The following KMT2C variants were observed in gnomAD, a reference collection of about 807,000 sequenced individuals.
The protein encoded by KMT2C is lysine methyltransferase 2C, also known as histone-lysine N-methyltransferase 2C.
A neutral mutation model predicts 507.9 loss-of-function variants in KMT2C; 88 were observed. The observed-to-expected ratio is 0.17, with a 90% CI of 0.15 to 0.21. The LOEUF (loss-of-function observed/expected upper bound fraction) is 0.21, where lower values mean the gene tolerates loss of function less well. KMT2C is among the 10% of genes least tolerant of loss of function. The pLI, the probability that KMT2C is intolerant of heterozygous loss-of-function variation, is 1.00. For synonymous variants in KMT2C, 2,049 were observed against 2,080.8 expected (o/e 0.98, Z 0.42); for missense variants, 4,954 against 5,957.8 (o/e 0.83, Z 5.55).
chr7:152,142,331 T>C (rs1051591469), intron 55 of KMT2C, among the ~76,000 whole-genome samples: 4 of 152,232 alleles, frequency 2.6e-5, no homozygotes, highest in Admixed American at 1.3e-4. Context: ...GGACAAAGGA[T>C]ATGAATACGC....
intron 23 of KMT2C, among the ~76,000 whole-genome samples, chr7:152,208,433 T>C (rs1191162552): frequency 6.6e-6 from 1 of 152,256 alleles, no homozygotes; most frequent in Non-Finnish European, 1.5e-5. Flanking sequence ...ATGTCATGCT[T>C]TATTTTTATT....
intron 41 of KMT2C, among the ~76,000 whole-genome samples, chr7:152,168,214 A>G (rs1286923112): frequency 6.6e-6 from 1 of 152,236 alleles, no homozygotes; most frequent in Non-Finnish European, 1.5e-5. Context: ...TACAAGACAA[A>G]GAAATGAATA....
At chr7:152,260,079 G>A (rs961573342) in intron 9 of KMT2C, among the ~76,000 whole-genome samples, 5 of 152,144 alleles carry the variant, frequency 3.3e-5, no homozygotes, top group African/African-American at 7.2e-5. Flanking sequence ...GGTAAGTACC[G>A]TTAACCTTCT....
chr7:152,175,683 G>A (rs900189979), intron 38 of KMT2C, among the ~76,000 whole-genome samples: 1 of 152,058 alleles, frequency 6.6e-6, no homozygotes, highest in Non-Finnish European at 1.5e-5. Flanking sequence ...TGTCTGCCTC[G>A]GTCTCCCAAA....
chr7:152,207,368 T>A lies in KMT2C; in HGVS notation c.3773A>T (p.Asp1258Val). 1 of 1,611,884 alleles carries A rather than the reference T, an allele frequency of 6.2e-7. No individual in the cohort carries two copies. The highest frequency in any genetic ancestry group is 8.5e-7 in the Non-Finnish European group (1 of 1,178,928). ...TCCTTCCACTCCCTTAGTTTCATCATCCACAGCTTCCCGCTCAGGACTAGA... is the reference window on the plus strand; with the variant it reads ...TCCTTCCACTCCCTTAGTTTCATCAACCACAGCTTCCCGCTCAGGACTAGA... ...SESSPEREAV[D>V]DETKGVEGTD... is the part of the protein sequence containing the mutation. The change falls in exon 24 of 59, where the codon GAT becomes GTT. Residue 1258 changes from aspartate (D) to valine (V), a missense_variant. Coordinates refer to ENST00000262189, the MANE Select transcript of KMT2C (RefSeq NM_170606.3).
At chr7:152,266,810 C>CAA (rs1255103040) in intron 7 of KMT2C, among the ~76,000 whole-genome samples, 1 of 152,304 alleles carries the variant, frequency 6.6e-6, no homozygotes, top group Non-Finnish European at 1.5e-5. Context: ...GAGGGCAGTA[C>CAA]AAAAACAGGC....
intron 56 of KMT2C, 56 bp from the exon 57 acceptor site, chr7:152,139,315 G>A: frequency 6.6e-7 from 1 of 1,508,952 alleles, no homozygotes; most frequent in Non-Finnish European, 9.2e-7. Flanking sequence ...TCCCCTCTGT[G>A]TTCCTATCCA....
chr7:152,189,958 G>C (rs532470404), intron 31 of KMT2C, among the ~76,000 whole-genome samples: 1 of 152,246 alleles, frequency 6.6e-6, no homozygotes, highest in South Asian at 2.1e-4. Context: ...GGTGAACAGC[G>C]GGCAAGTGAC....
At chr7:152,149,492 T>A (rs2091432943) in intron 51 of KMT2C, among the ~76,000 whole-genome samples, 3 of 152,182 alleles carry the variant, frequency 2.0e-5, no homozygotes. Flanking sequence ...ACACACACAC[T>A]CACAATGCTG....
intron 1 of KMT2C, among the ~76,000 whole-genome samples, chr7:152,425,017 G>T (rs2097802772): frequency 6.6e-6 from 1 of 152,162 alleles, no homozygotes; most frequent in South Asian, 2.1e-4. Flanking sequence ...GAGTCACAGG[G>T]CTAGGCGAGA....
At chr7:152,349,107 A>G (rs938947942) in intron 2 of KMT2C, among the ~76,000 whole-genome samples, 1 of 152,184 alleles carries the variant, frequency 6.6e-6, no homozygotes, top group African/African-American at 2.4e-5. Flanking sequence ...AAACAATACA[A>G]TATTATTCAG....
At chr7:152,169,035 A>C (rs2092848441) in intron 41 of KMT2C, 151 bp downstream of exon 41, 2 of 512,876 alleles carry the variant, frequency 3.9e-6, no homozygotes, top group African/African-American at 3.9e-5. Flanking sequence ...CTTGAAGAAG[A>C]GTTGCCTAAT....
Position 152,330,670 on chromosome 7 carries a change from G to C in KMT2C, c.320C>G (p.Thr107Ser). 6.2e-7 allele frequency: 1 copy of C among 1,614,042 alleles called. No individual in the cohort carries two copies. The highest frequency in any genetic ancestry group is 1.1e-5 in the South Asian group (1 of 91,080). Residue 107 changes from threonine to serine, a missense_variant, in exon 3 of 59, where the codon ACT becomes AGT. By Grantham distance (58) the Thr-to-Ser change is moderately conservative. Coordinates refer to ENST00000262189, the MANE Select transcript of KMT2C (RefSeq NM_170606.3). ...TTCCTCAGACACAGATCGCTGAAGA[G>C]TTGGAATTAGCTGTTTGCTGTTATC... is the stretch of plus-strand genomic sequence containing the variant. ...EVDNSKQLIP[T>S]LQRSVSEESA...
intron 15 of KMT2C, among the ~76,000 whole-genome samples, chr7:152,237,920 A>G (rs2095311178): frequency 6.6e-6 from 1 of 152,308 alleles, no homozygotes; most frequent in Non-Finnish European, 1.5e-5. Flanking sequence ...TGACCCAGAA[A>G]AAAAGTAAGT....
At chr7:152,198,202 G>A (rs2094021391) in intron 27 of KMT2C, among the ~76,000 whole-genome samples, 1 of 152,188 alleles carries the variant, frequency 6.6e-6, no homozygotes, top group Non-Finnish European at 1.5e-5. Context: ...AAATATGTAA[G>A]ATTGAACAAA....
intron 1 of KMT2C, among the ~76,000 whole-genome samples, chr7:152,380,095 G>A (rs2097359651): frequency 6.6e-6 from 1 of 152,302 alleles, no homozygotes; most frequent in African/African-American, 2.4e-5. Flanking sequence ...AGCCAGGGGT[G>A]GCAGCATGTG....
chr7:152,140,667 T>G (rs1279705281), intron 55 of KMT2C, among the ~76,000 whole-genome samples: 1 of 152,190 alleles, frequency 6.6e-6, no homozygotes, highest in African/African-American at 2.4e-5. Context: ...TGAACTGAAT[T>G]CTAGAATGCA....
In KMT2C at chr7:152,413,910, G is replaced by C. The variant is rs75954030; in HGVS notation, c.161+21716C>G. On this transcript the variant is annotated intron_variant, in intron 1 of 58. Transcript: ENST00000262189. Reference sequence around the variant, plus strand: ...CAAAAAAAAAAAAAAATTTACAAAAGTCATTTAGAAAATGTATGAGGCCAG... The same window carrying C: ...CAAAAAAAAAAAAAAATTTACAAAACTCATTTAGAAAATGTATGAGGCCAG... Among the ~76,000 whole-genome samples, 110 of 122,196 alleles carry C rather than the reference G, an allele frequency of 9.0e-4. No individual in the cohort carries two copies. The Middle Eastern group carries it at 0.015, about 17-fold the overall frequency. The allele number at this position is 122,196 out of a possible 152,430, so 80.2% of individuals were successfully genotyped here. A position where few individuals can be genotyped will look rare whatever the true frequency, so the allele number is the denominator to read the frequency against.
intron 56 of KMT2C, among the ~76,000 whole-genome samples, 168 bp downstream of exon 56, chr7:152,139,507 T>C (rs181139446): frequency 3.4e-4 from 52 of 152,296 alleles, no homozygotes; most frequent in Non-Finnish European, 4.9e-4. Context: ...TAACACCAAT[T>C]GAAAGAGATA....
Sources: allele counts gnomAD v4.1 joint callset (sites outside exome capture counted in the v4.1 genomes callset), GRCh38; gene constraint gnomAD v4.1.1; transcripts MANE v1.5; gene names NCBI Gene and HGNC (gene_info 2026-07-23, HGNC 2026-07-21).